The following KCNG3 variants were observed in gnomAD, a reference collection of about 807,000 sequenced individuals.
KCNG3 encodes voltage-gated potassium channel regulatory subunit KCNG3.
Under a neutral mutation model 29.0 loss-of-function variants are expected in KCNG3, and 15 were observed. The ratio of observed to expected loss-of-function variants is 0.52; its 90% CI spans 0.35 to 0.80. The LOEUF (loss-of-function observed/expected upper bound fraction) is 0.80. Ranked by LOEUF, KCNG3 falls within the 30% of genes least tolerant of loss-of-function variation. The pLI is 0.01. For missense variants in KCNG3, 512 were observed against 605.7 expected, an observed-to-expected ratio of 0.85 and a Z score of 1.62; for synonymous variants, 322 against 248.9, an observed-to-expected ratio of 1.29 and a Z score of -2.76.
chr2:42,439,542 C>T (rs190316762), downstream of KCNG3, among the ~76,000 whole-genome samples: 70 of 148,924 alleles, frequency 4.7e-4, no homozygotes, highest in Admixed American at 4.2e-3. Flanking sequence ...GGATTACAGG[C>T]GTGAGCCACC....
At chr2:42,491,328 T>C (rs1673871108) in intron 1 of KCNG3, among the ~76,000 whole-genome samples, 1 of 152,122 alleles carries the variant, frequency 6.6e-6, no homozygotes, top group African/African-American at 2.4e-5. Flanking sequence ...ATATTTGAGG[T>C]ATTTTACTGG....
At chr2:42,481,377 A>C (rs1475962580) in intron 1 of KCNG3, among the ~76,000 whole-genome samples, 1 of 152,138 alleles carries the variant, frequency 6.6e-6, no homozygotes, top group East Asian at 1.9e-4. Flanking sequence ...AGGAGAAACC[A>C]AATACCAGTA....
chr2:42,459,479 T>C (rs1377764704), intron 1 of KCNG3, among the ~76,000 whole-genome samples: 1 of 152,210 alleles, frequency 6.6e-6, no homozygotes, highest in Non-Finnish European at 1.5e-5. Flanking sequence ...GACAGGTCAC[T>C]TGTAGCCAGG....
the KCNG3 span, among the ~76,000 whole-genome samples, chr2:42,394,106 T>C: frequency 6.6e-6 from 1 of 152,166 alleles, no homozygotes; most frequent in Non-Finnish European, 1.5e-5. Context: ...TTAGTCTTCC[T>C]GGGATTCTGA....
chr2:42,452,770 G>T (rs984933038), intron 1 of KCNG3, among the ~76,000 whole-genome samples: 1 of 150,104 alleles, frequency 6.7e-6, no homozygotes, highest in Non-Finnish European at 1.5e-5. Flanking sequence ...CATTCAACTG[G>T]GTGTGTGTGT....
the KCNG3 span, among the ~76,000 whole-genome samples, chr2:42,394,281 G>A: frequency 6.6e-6 from 1 of 152,188 alleles, no homozygotes; most frequent in South Asian, 2.1e-4. Flanking sequence ...AGGCAGGGAA[G>A]AGTAGACATA....
At chr2:42,429,836 G>T in the KCNG3 span, among the ~76,000 whole-genome samples, 1 of 152,164 alleles carries the variant, frequency 6.6e-6, no homozygotes, top group Non-Finnish European at 1.5e-5. Context: ...TACGGGAAAA[G>T]AAGAAGAGAA....
chr2:42,474,331 C>G (rs1438590765), intron 1 of KCNG3, among the ~76,000 whole-genome samples: 14 of 151,976 alleles, frequency 9.2e-5, no homozygotes, highest in Admixed American at 9.2e-4. Context: ...AGTTCGAGAC[C>G]AGCCTGGCCA....
the KCNG3 span, among the ~76,000 whole-genome samples, chr2:42,400,439 C>G: frequency 6.6e-6 from 1 of 152,138 alleles, no homozygotes; most frequent in Non-Finnish European, 1.5e-5. Context: ...CCCTCTGTTC[C>G]TACATCTGGA....
intron 1 of KCNG3, among the ~76,000 whole-genome samples, chr2:42,467,894 T>C (rs1429583358): frequency 2.7e-5 from 4 of 147,870 alleles, no homozygotes; most frequent in Non-Finnish European, 5.9e-5. Flanking sequence ...CACCCGAGCC[T>C]GGAGAGATTG....
intron 1 of KCNG3, among the ~76,000 whole-genome samples, chr2:42,492,560 G>A (rs1558392462): frequency 6.6e-6 from 1 of 152,234 alleles, no homozygotes; most frequent in South Asian, 2.1e-4. Context: ...CTACAAAGAG[G>A]GGACATTTGT....
chr2:42,397,974 A>G, the KCNG3 span, among the ~76,000 whole-genome samples: 1 of 152,180 alleles, frequency 6.6e-6, no homozygotes, highest in African/African-American at 2.4e-5. Flanking sequence ...CTGTAATCCC[A>G]GCATTTTGGG....
chr2:42,391,405 T>A, the KCNG3 span, among the ~76,000 whole-genome samples: 2 of 152,088 alleles, frequency 1.3e-5, no homozygotes, highest in South Asian at 4.1e-4. Context: ...ACCTTCTAGC[T>A]TGCAACAGCA....
chr2:42,450,816 G>T (rs1275883171), intron 1 of KCNG3, among the ~76,000 whole-genome samples: 3 of 151,970 alleles, frequency 2.0e-5, no homozygotes, highest in Non-Finnish European at 4.4e-5. Context: ...CTAAGAAGCT[G>T]CAATTACACA....
At chr2:42,398,525 C>T in the KCNG3 span, among the ~76,000 whole-genome samples, 1 of 152,122 alleles carries the variant, frequency 6.6e-6, no homozygotes, top group South Asian at 2.1e-4. Context: ...GCATTGTAAC[C>T]TTCCAGATTA....
At chr2:42,465,841 A>G (rs778466584) in intron 1 of KCNG3, among the ~76,000 whole-genome samples, 4 of 152,188 alleles carry the variant, frequency 2.6e-5, no homozygotes, top group Non-Finnish European at 5.9e-5. Context: ...CACATAATAA[A>G]TTATGTAAAA....
chr2:42,441,762 C>CATATATGTATATATAAAATATATA (rs1672489193), downstream of KCNG3, among the ~76,000 whole-genome samples: 1 of 150,344 alleles, frequency 6.7e-6, no homozygotes, highest in Admixed American at 6.7e-5. Flanking sequence ...CATATATATA[C>CATATATGTATATATAAAATATATA]CTATATGTAT....
chr2:42,479,226 T>C (rs1673518993), intron 1 of KCNG3, among the ~76,000 whole-genome samples: 1 of 152,172 alleles, frequency 6.6e-6, no homozygotes, highest in Non-Finnish European at 1.5e-5. Flanking sequence ...TTTCTTTCTC[T>C]AGGATAGATA....
chr2:42,446,218 C>G (rs531390525), intron 1 of KCNG3, among the ~76,000 whole-genome samples: 1 of 151,596 alleles, frequency 6.6e-6, no homozygotes, highest in Non-Finnish European at 1.5e-5. Flanking sequence ...GTTCTGTCAC[C>G]CAGGCTGGAG....
Sources: allele counts gnomAD v4.1 joint callset (sites outside exome capture counted in the v4.1 genomes callset), GRCh38; gene constraint gnomAD v4.1.1; transcripts MANE v1.5; gene names NCBI Gene and HGNC (gene_info 2026-07-23, HGNC 2026-07-21).